Variants in CUEDC1 observed in about 807,000 individuals in gnomAD.
CUEDC1 encodes CUE domain containing 1.
In CUEDC1, 30 loss-of-function variants were observed where a neutral mutation model predicts 43.7. The ratio of observed to expected loss-of-function variants is 0.69; its 90% CI spans 0.51 to 0.93. The LOEUF (loss-of-function observed/expected upper bound fraction) is 0.93, where lower values mean the gene tolerates loss of function less well. Among genes scored for constraint, CUEDC1 ranks in the 40% least tolerant of loss-of-function variants. The pLI, the probability that CUEDC1 is intolerant of heterozygous loss-of-function variation, is 0.00. For missense variants in CUEDC1, 486 were observed against 549.0 expected, an observed-to-expected ratio of 0.89 and a Z score of 1.15; for synonymous variants, 223 against 223.6, an observed-to-expected ratio of 1.00 and a Z score of 0.02.
At chr17:57,903,043 G>A (rs1415960318) in intron 1 of CUEDC1, 2 of 152,276 alleles carry the variant, frequency 1.3e-5, no homozygotes, top group Non-Finnish European at 2.9e-5. Context: ...TCTTCCAGGA[G>A]GGCTGGGCAC....
At chr17:57,945,626 A>G (rs992917613) in intron 1 of CUEDC1, among the ~76,000 whole-genome samples, 2 of 152,256 alleles carry the variant, frequency 1.3e-5, no homozygotes, top group African/African-American at 4.8e-5. Context: ...AATGAAAATA[A>G]TAACAATAAC....
chr17:57,917,657 A>G (rs1272683334), intron 1 of CUEDC1, among the ~76,000 whole-genome samples: 1 of 152,188 alleles, frequency 6.6e-6, no homozygotes, highest in African/African-American at 2.4e-5. Context: ...GAGGTAAATA[A>G]CTCACCCAAG....
chr17:57,926,520 G>A (rs2074748904), intron 1 of CUEDC1, among the ~76,000 whole-genome samples: 2 of 152,170 alleles, frequency 1.3e-5, no homozygotes, highest in Admixed American at 1.3e-4. Context: ...GCCGGGTGCA[G>A]TGGCTCACAC....
chr17:57,896,487 G>GGGGGGGGGGTGTGT lies in CUEDC1; in HGVS notation c.-315-10609_-315-10608insACACACCCCCCCCC, dbSNP rs375270781. Among the ~76,000 whole-genome samples the GGGGGGGGGGTGTGT allele has an allele frequency of 3.1e-4, 41 of 130,360 alleles. 1 individual carries two copies. The highest frequency in any genetic ancestry group is 4.4e-4 in the Admixed American group (6 of 13,744). The allele number at this position is 130,360 out of a possible 152,430, so 85.5% of individuals were successfully genotyped here. Reference sequence around the variant, plus strand: ...GTCACTCTACTATAGTGCATTATGGGGTGTGTGTGTGTGTGTGTGTGTGTG... The same window carrying GGGGGGGGGGTGTGT: ...GTCACTCTACTATAGTGCATTATGGGGGGGGGGGGTGTGTGTGTGTGTGTGTGTGTGTGTGTGTG... On this transcript the variant is annotated intron_variant, in intron 1 of 10. Coordinates refer to ENST00000577830, the MANE Select transcript of CUEDC1 (RefSeq NM_001271875.2).
rs2143153818 is a variant in CUEDC1 at position 57,930,463 on chromosome 17, C to T, written c.-316+24762G>A. On this transcript the variant is annotated intron_variant, in intron 1 of 10. Transcript: ENST00000577830. This position sits in a 1 kb window ranked among gnomAD's most constrained non-coding sequence, Gnocchi z 4.2. ...CCTGAGTCAGAAACCAAAGCCCTCT[C>T]CGTCCCAGGGGTTTAACAGAAGGCA... Among the ~76,000 whole-genome samples the T allele has an allele frequency of 6.6e-6, 1 of 152,352 alleles. No homozygotes were observed. Among genetic ancestry groups the T allele is most frequent in the Non-Finnish European group, 1.5e-5 (1 of 68,028 alleles).
At chr17:57,894,693 G>C (rs888605941) in intron 1 of CUEDC1, among the ~76,000 whole-genome samples, 41 of 152,222 alleles carry the variant, frequency 2.7e-4, no homozygotes, top group African/African-American at 9.6e-4. Flanking sequence ...GAAAAAATAC[G>C]ATTCAAAAAA....
intron 6 of CUEDC1, 23 bp from the exon 7 acceptor site, chr17:57,869,216 G>A: frequency 3.7e-6 from 6 of 1,610,670 alleles, no homozygotes; most frequent in Admixed American, 1.7e-5. Context: ...ACCTGCTGAA[G>A]GCCGGCCACC....
At chr17:57,933,324 G>A (rs1217491394) in intron 1 of CUEDC1, among the ~76,000 whole-genome samples, 2 of 110,690 alleles carry the variant, frequency 1.8e-5, no homozygotes, top group African/African-American at 2.6e-5. Flanking sequence ...TAACGTGTTG[G>A]TCGGTTCCTC....
At chr17:57,874,676 G>A (rs770975615) in intron 3 of CUEDC1, among the ~76,000 whole-genome samples, 6 of 152,118 alleles carry the variant, frequency 3.9e-5, no homozygotes, top group Non-Finnish European at 8.8e-5. Flanking sequence ...TCAGGAAAAC[G>A]GCACACTGAG....
intron 1 of CUEDC1, among the ~76,000 whole-genome samples, chr17:57,926,396 A>G (rs1043721843): frequency 6.6e-6 from 1 of 152,056 alleles, no homozygotes; most frequent in Non-Finnish European, 1.5e-5. Context: ...GTCCCCATTC[A>G]AGCCCCTTCA....
intron 1 of CUEDC1, among the ~76,000 whole-genome samples, chr17:57,907,718 C>A (rs1338998105): frequency 2.0e-5 from 3 of 151,396 alleles, no homozygotes; most frequent in Non-Finnish European, 4.4e-5. Context: ...TGGAGACAAG[C>A]GCTTGTAATC....
intron 5 of CUEDC1, among the ~76,000 whole-genome samples, chr17:57,872,452 C>T (rs1009939222): frequency 7.2e-5 from 11 of 152,006 alleles, no homozygotes; most frequent in Admixed American, 6.5e-5. Flanking sequence ...CTCTGAGTCC[C>T]GAGGGAGAAA....
At chr17:57,933,270 C>G (rs1350772105) in intron 1 of CUEDC1, among the ~76,000 whole-genome samples, 1 of 152,212 alleles carries the variant, frequency 6.6e-6, no homozygotes, top group East Asian at 1.9e-4. Context: ...TAAGATTCTA[C>G]AAGTAAACAA....
At chr17:57,867,078 A>G (rs951366860) in intron 9 of CUEDC1, 4 of 529,068 alleles carry the variant, frequency 7.6e-6, no homozygotes, top group Non-Finnish European at 1.4e-5. Flanking sequence ...GCCACCTCAC[A>G]CCCAAAAGAA....
chr17:57,885,189 C>A, intron 2 of CUEDC1, 40 bp downstream of exon 2: 1 of 1,511,770 alleles, frequency 6.6e-7, no homozygotes, highest in Non-Finnish European at 8.9e-7. Flanking sequence ...GGGATGCTGT[C>A]CTCCAGTGGT....
intron 3 of CUEDC1, 120 bp from the exon 4 acceptor site, chr17:57,873,837 A>C: frequency 9.5e-7 from 1 of 1,057,260 alleles, no homozygotes; most frequent in Non-Finnish European, 1.3e-6. Flanking sequence ...CATGGCCTCC[A>C]CTGCCTCCAG....
rs1462687662 is a variant in CUEDC1, at chr17:57,954,853, G to C, written c.-316+372C>G. 1.3e-5 allele frequency among the ~76,000 whole-genome samples: 2 copies of C among 151,874 alleles called. No individual in the cohort carries two copies. Among genetic ancestry groups the C allele is most frequent in the Non-Finnish European group, 1.5e-5 (1 of 67,916 alleles). ...GGGGGAGCGGCGGGAGAGGGGACTC[G>C]GGCGAAGCCGGCTCCGGGAGGCCTC... On this transcript the variant is annotated intron_variant, in intron 1 of 10. Transcript: ENST00000577830. This position sits in a 1 kb window ranked among gnomAD's most constrained non-coding sequence, Gnocchi z 4.3.
intron 1 of CUEDC1, among the ~76,000 whole-genome samples, chr17:57,938,205 G>A (rs929972700): frequency 4.6e-5 from 7 of 152,086 alleles, no homozygotes; most frequent in African/African-American, 1.2e-4. Context: ...TGCCATATCC[G>A]GCCTAACATC....
chr17:57,867,486 C>T, intron 8 of CUEDC1, 71 bp from the exon 9 acceptor site: 1 of 1,360,802 alleles, frequency 7.3e-7, no homozygotes, highest in African/African-American at 1.4e-5. Flanking sequence ...GTCCCACTGA[C>T]TCTCTGCCCC....
Sources: gnomAD v4.1 joint callset for allele counts (sites outside exome capture counted in the v4.1 genomes callset) on GRCh38, gnomAD v4.1.1 for gene constraint, Gnocchi (gnomAD v3.1) non-coding constraint, MANE v1.5 for transcripts, NCBI Gene and HGNC (gene_info 2026-07-23, HGNC 2026-07-21) for gene names.